Variants in TAF1D observed in about 807,000 individuals in gnomAD.
The protein encoded by TAF1D is TATA-box binding protein associated factor, RNA polymerase I subunit D, also known as TATA box-binding protein-associated factor RNA polymerase I subunit D.
Under a neutral mutation model 26.2 loss-of-function variants are expected in TAF1D, and 23 were observed. The ratio of observed to expected loss-of-function variants is 0.88; its 90% CI spans 0.63 to 1.25. TAF1D has a LOEUF of 1.25. Among genes scored for constraint, TAF1D ranks in the 50% most tolerant of loss-of-function variants. The pLI is 0.00. For synonymous variants in TAF1D, 100 were observed against 105.6 expected, an observed-to-expected ratio of 0.95 and a Z score of 0.33; for missense variants, 299 against 322.0, an observed-to-expected ratio of 0.93 and a Z score of 0.55.
downstream of TAF1D, chr11:93,730,779 A>G (rs1459438342): frequency 2.3e-6 from 1 of 429,626 alleles, no homozygotes; most frequent in Admixed American, 2.7e-5. Flanking sequence ...AGTGAACATG[A>G]ATGAGTCCCT....
rs555632619 is a variant in TAF1D at position 93,737,655 on chromosome 11, T to C, written c.460-416A>G. ...ATTCATTCAACATACAACTCTCAAA[T>C]ATTTAAAAAAGTCTACTCCTAAGTA... On this transcript the variant is annotated intron_variant, in intron 3 of 5. Transcript: ENST00000448108. 2.6e-5 allele frequency among the ~76,000 whole-genome samples: 4 copies of C among 152,286 alleles called. No individual in the cohort carries two copies. In the East Asian group the frequency reaches 5.8e-4, roughly 22 times the overall value.
chr11:93,734,387 A>G (rs1043191560), downstream of TAF1D: 2 of 273,898 alleles, frequency 7.3e-6, no homozygotes, highest in African/African-American at 4.4e-5. Flanking sequence ...AGGAAATCCA[A>G]AGTTCTGATT....
intron 5 of TAF1D, 127 bp downstream of exon 5, chr11:93,736,567 C>T (rs1303633450): frequency 4.9e-5 from 70 of 1,433,628 alleles, no homozygotes; most frequent in Non-Finnish European, 6.1e-5. Flanking sequence ...CTTGCATTTC[C>T]TGCAGTAAAC....
downstream of TAF1D, chr11:93,731,907 AGTG>A (rs1175492180): frequency 2.5e-6 from 1 of 400,334 alleles, no homozygotes; most frequent in Non-Finnish European, 4.9e-6. Flanking sequence ...ACATAAAAAA[AGTG>A]GTCCTATAAG....
chr11:93,733,078 T>C, downstream of TAF1D: 1 of 345,626 alleles, frequency 2.9e-6, no homozygotes, highest in Non-Finnish European at 5.7e-6. Flanking sequence ...AGTTAAATAT[T>C]TTACTTACCT....
chr11:93,731,051 T>C (rs1384454675), downstream of TAF1D: 1 of 519,146 alleles, frequency 1.9e-6, no homozygotes, highest in Admixed American at 1.9e-5. Context: ...TTTATGGTCA[T>C]GTCCACAGCA....
chr11:93,740,581 A>C (rs886263358), intron 1 of TAF1D, among the ~76,000 whole-genome samples: 1 of 152,092 alleles, frequency 6.6e-6, no homozygotes, highest in Non-Finnish European at 1.5e-5. Context: ...TTACATATAA[A>C]TCCTAGGATG....
At chr11:93,734,767 G>T, downstream of TAF1D, 1 of 1,268,016 alleles carries the variant, frequency 7.9e-7, no homozygotes. Flanking sequence ...CTATTCTACA[G>T]GCCTGGAATC....
At chr11:93,732,828 T>C (rs915194973), downstream of TAF1D, 4 of 237,160 alleles carry the variant, frequency 1.7e-5, no homozygotes, top group Non-Finnish European at 2.5e-5. Context: ...ATTCAACATA[T>C]CCACACAGGT....
At chr11:93,731,261 C>T, downstream of TAF1D, 1 of 356,838 alleles carries the variant, frequency 2.8e-6, no homozygotes, top group South Asian at 2.2e-5. Flanking sequence ...CTATTAAGTA[C>T]ATAAATCTAT....
At position 93,736,160 on chromosome 11, in the gene TAF1D, G is replaced by A. The variant is rs1366631421; in HGVS notation, c.*1C>T. The stretch of plus-strand genomic sequence containing the variant: ...CTTCACCTTTGACATTCATGATCCT[G>A]TCACATTTTCAGGCCTCTCTGTCCA... On this transcript the variant is annotated 3_prime_UTR_variant, in exon 6 of 6. Transcript: ENST00000448108. 1 of 1,613,236 alleles carries A rather than the reference G, an allele frequency of 6.2e-7. No homozygotes were observed. Among genetic ancestry groups the A allele is most frequent in the East Asian group, 2.2e-5 (1 of 44,754 alleles).
intron 4 of TAF1D, 91 bp from the exon 5 acceptor site, chr11:93,736,842 A>G (rs2135498923): frequency 1.5e-6 from 2 of 1,378,658 alleles, no homozygotes; most frequent in South Asian, 1.3e-5. Flanking sequence ...TGAAACTGCA[A>G]TACTAGTCAA....
intron 1 of TAF1D, among the ~76,000 whole-genome samples, chr11:93,739,984 A>AAAAAAAAAAAG (rs1941541177): frequency 7.0e-6 from 1 of 142,350 alleles, no homozygotes; most frequent in Non-Finnish European, 1.5e-5. Flanking sequence ...AAAAAAAAAG[A>AAAAAAAAAAAG]AAAAGATTCC....
At chr11:93,732,626 TAAGG>T (rs1939446314), downstream of TAF1D, 2 of 341,876 alleles carry the variant, frequency 5.9e-6, no homozygotes, top group Non-Finnish European at 5.9e-6. Context: ...GTCACTGTAA[TAAGG>T]AAGCTACATT....
chr11:93,732,704 TA>T (rs1215434443), downstream of TAF1D: 1 of 278,134 alleles, frequency 3.6e-6, no homozygotes, highest in South Asian at 3.6e-5. Context: ...CTATAAAACT[TA>T]AAGATGGAAT....
At chr11:93,730,370 G>A in exon 12 of TAF1D, 1 of 952,840 alleles carries the variant, frequency 1.0e-6, no homozygotes, top group Non-Finnish European at 1.7e-6. Context: ...TCCATGTTGT[G>A]ATTTCTTCCA....
chr11:93,731,478 T>C, downstream of TAF1D: 1 of 517,730 alleles, frequency 1.9e-6, no homozygotes, highest in Non-Finnish European at 3.9e-6. Flanking sequence ...TCTTCTGAAA[T>C]ACAATGCAAT....
At chr11:93,732,717 T>C (rs1939484852), downstream of TAF1D, 1 of 270,778 alleles carries the variant, frequency 3.7e-6, no homozygotes, top group African/African-American at 2.2e-5. Flanking sequence ...AGATGGAATA[T>C]ATACATGTAA....
chr11:93,733,064 T>TA, downstream of TAF1D: 1 of 340,364 alleles, frequency 2.9e-6, no homozygotes, highest in Non-Finnish European at 5.8e-6. Flanking sequence ...CCTTGATTAT[T>TA]ATAAGTTAAA....
Sources: gnomAD v4.1 joint callset for allele counts (sites outside exome capture counted in the v4.1 genomes callset) on GRCh38, gnomAD v4.1.1 for gene constraint, MANE v1.5 for transcripts, NCBI Gene and HGNC (gene_info 2026-07-23, HGNC 2026-07-21) for gene names.